INPP5F: variants seen among roughly 807,000 people sequenced by gnomAD.
The protein encoded by INPP5F is phosphatidylinositide 4-phosphatase SAC2.
INPP5F carries 97 observed loss-of-function variants against 137.2 expected under a neutral mutation model. The ratio of observed to expected loss-of-function variants is 0.71; its 90% CI spans 0.60 to 0.84. INPP5F has a LOEUF of 0.84. INPP5F is among the 40% of genes least tolerant of loss of function. INPP5F has a pLI of 0.00. For synonymous variants in INPP5F, 504 were observed against 476.9 expected, an observed-to-expected ratio of 1.06 and a Z score of -0.74; for missense variants, 1,271 against 1,371.9, an observed-to-expected ratio of 0.93 and a Z score of 1.16.
chr10:119,750,344 T>C (rs1229031413), intron 1 of INPP5F, among the ~76,000 whole-genome samples: 1 of 152,124 alleles, frequency 6.6e-6, no homozygotes, highest in Non-Finnish European at 1.5e-5. Context: ...ACCACGTATA[T>C]AACCTTTTGC....
intron 2 of INPP5F, among the ~76,000 whole-genome samples, chr10:119,767,107 G>GAAAAAAAAAAAAAAAAAAA (rs35875262): frequency 2.5e-5 from 1 of 40,540 alleles, no homozygotes; most frequent in Non-Finnish European, 4.0e-5. Flanking sequence ...TCTGTCTCCA[G>GAAAAAAAAAAAAAAAAAAA]AAAAAAAAAA....
chr10:119,779,158 G>A (rs1429799020), intron 2 of INPP5F, among the ~76,000 whole-genome samples: 1 of 152,002 alleles, frequency 6.6e-6, no homozygotes, highest in East Asian at 1.9e-4. Flanking sequence ...GCATTGTTGG[G>A]CAATTTCATC....
At chr10:119,795,214 C>T (rs1455697046) in intron 6 of INPP5F, among the ~76,000 whole-genome samples, 4 of 147,836 alleles carry the variant, frequency 2.7e-5, no homozygotes, top group Admixed American at 1.3e-4. Flanking sequence ...CGGGCAGAGG[C>T]GCCCCTCACC....
At chr10:119,778,625 T>A (rs1849602326) in intron 2 of INPP5F, among the ~76,000 whole-genome samples, 1 of 152,176 alleles carries the variant, frequency 6.6e-6, no homozygotes, top group Non-Finnish European at 1.5e-5. Context: ...CTCATTATAT[T>A]TAGTTCTCTG....
At chr10:119,731,610 G>A (rs1468073638) in intron 1 of INPP5F, among the ~76,000 whole-genome samples, 3 of 152,200 alleles carry the variant, frequency 2.0e-5, no homozygotes, top group Non-Finnish European at 2.9e-5. Flanking sequence ...GTTGCAGTGA[G>A]CTGAGATGGT....
intron 2 of INPP5F, among the ~76,000 whole-genome samples, chr10:119,755,242 T>G (rs945912114): frequency 2.0e-5 from 3 of 152,226 alleles, no homozygotes; most frequent in Non-Finnish European, 2.9e-5. Context: ...AATCATATTT[T>G]CTCACAATTC....
At chr10:119,731,741 A>G (rs1273586356) in intron 1 of INPP5F, among the ~76,000 whole-genome samples, 1 of 152,174 alleles carries the variant, frequency 6.6e-6, no homozygotes, top group African/African-American at 2.4e-5. Flanking sequence ...TACATATTAA[A>G]TGGCTTACAA....
chr10:119,798,392 T>G, intron 8 of INPP5F, 151 bp from the exon 9 acceptor site: 1 of 563,688 alleles, frequency 1.8e-6, no homozygotes, highest in Non-Finnish European at 3.1e-6. Context: ...GATCTTTGAC[T>G]TAGCATTTCA....
chr10:119,807,283 A>G (rs559440026), intron 12 of INPP5F, among the ~76,000 whole-genome samples: 2 of 152,320 alleles, frequency 1.3e-5, no homozygotes, highest in South Asian at 2.1e-4. Flanking sequence ...CAAAATAAAA[A>G]TAAAAATAAA....
chr10:119,763,828 G>C (rs1046183925), intron 2 of INPP5F, among the ~76,000 whole-genome samples: 1 of 152,136 alleles, frequency 6.6e-6, no homozygotes, highest in African/African-American at 2.4e-5. Flanking sequence ...CTTCATCTTT[G>C]ACATTTTGCT....
Position 119,826,624 on chromosome 10 carries a change from T to G in INPP5F, c.2250-7T>G. 6.4e-7 allele frequency: 1 copy of G among 1,557,844 alleles called. No individual in the cohort carries two copies. The highest frequency in any genetic ancestry group is 8.6e-7 in the Non-Finnish European group (1 of 1,157,088). ...GGAATTAACTTTTTTTCTCTTCTAA[T>G]TTGTAGGAAGAGCAGTAAACCTCAC... is the stretch of plus-strand genomic sequence containing the variant. On this transcript the variant is annotated splice_region_variant and splice_polypyrimidine_tract_variant and intron_variant, in intron 19 of 19. Transcript: ENST00000650623.
rs1849362271 is a variant in INPP5F, at chr10:119,771,872, ATATATATATATTTTTTTTTTTTTTTTT to A, written c.179-9761_179-9735del. ...TATATATATATATATATATATATAT[ATATATATATATTTTTTTTTTTTTTTTT>A]TTTTTTTTTTTTTTGAGATGGAGTC... On this transcript the variant is annotated intron_variant, in intron 2 of 19. Transcript: ENST00000650623. Among the ~76,000 whole-genome samples, 8 of 18,288 alleles carry A rather than the reference ATATATATATATTTTTTTTTTTTTTTTT, an allele frequency of 4.4e-4. No individual in the cohort carries two copies. The South Asian group carries it at 0.013, about 30-fold the overall frequency. 12.0% of individuals were successfully genotyped at this position (18,288 alleles called of 152,430 possible). A position where few individuals can be genotyped will look rare whatever the true frequency, so the allele number is the denominator to read the frequency against.
At chr10:119,771,214 G>T (rs549260731) in intron 2 of INPP5F, among the ~76,000 whole-genome samples, 9 of 152,072 alleles carry the variant, frequency 5.9e-5, no homozygotes, top group Non-Finnish European at 7.4e-5. Context: ...TACAATATGT[G>T]CACCTTTGTG....
chr10:119,795,543 C>T (rs1254393085), intron 6 of INPP5F, among the ~76,000 whole-genome samples: 1 of 151,764 alleles, frequency 6.6e-6, no homozygotes, highest in Non-Finnish European at 1.5e-5. Flanking sequence ...AGGCGCTCCT[C>T]ACTTCCTAGA....
At chr10:119,814,000 C>T (rs1449005427) in intron 15 of INPP5F, among the ~76,000 whole-genome samples, 1 of 152,058 alleles carries the variant, frequency 6.6e-6, no homozygotes, top group Non-Finnish European at 1.5e-5. Flanking sequence ...TGTCCAGTGC[C>T]CAGTAAATGC....
rs144822204 is a variant in INPP5F at position 119,827,738 on chromosome 10, A to T, written c.3357A>T (p.Lys1119Asn). The change falls in exon 20 of 20, where the codon AAA (lysine) becomes AAT (asparagine). Residue 1119 changes from lysine (K) to asparagine (N), a missense_variant. This residue lies in a region of INPP5F where 490 missense variants were observed against 443.7 expected (regional missense o/e 1.10). Transcript: ENST00000650623. ...ATCAAGTCCAGCAAAATGAACTTAA[A>T]AAGATGTTTATACAATGCCAGACAC... Reference protein sequence around the residue: ...IINQVQQNELKKMFIQCQTRI... With the variant: ...IINQVQQNELNKMFIQCQTRI... The T allele has an allele frequency of 1.2e-6, 2 of 1,613,498 alleles. No homozygotes were observed. Among genetic ancestry groups the T allele is most frequent in the East Asian group, 4.5e-5 (2 of 44,898 alleles).
In INPP5F at chr10:119,770,839, G is replaced by A. The variant is rs1849312016; in HGVS notation, c.179-10796G>A. Among the ~76,000 whole-genome samples, 5 of 152,186 alleles carry A rather than the reference G, an allele frequency of 3.3e-5. No individual in the cohort carries two copies. In the South Asian group the frequency reaches 1.0e-3, roughly 32 times the overall value. On this transcript the variant is annotated intron_variant, in intron 2 of 19. Transcript: ENST00000650623. Reference sequence around the variant, plus strand: ...CCTATCCTAACCTCCATTTTTGGCAGAAAGTATACTTTTAGTTTTTTATCC... The same window carrying A: ...CCTATCCTAACCTCCATTTTTGGCAAAAAGTATACTTTTAGTTTTTTATCC...
At chr10:119,766,089 C>G (rs931750521) in intron 2 of INPP5F, among the ~76,000 whole-genome samples, 6 of 152,074 alleles carry the variant, frequency 3.9e-5, no homozygotes, top group Non-Finnish European at 7.4e-5. Flanking sequence ...ATGTAAGTCT[C>G]AGTTGGAATC....
chr10:119,797,425 A>T, intron 7 of INPP5F, 36 bp from the exon 8 acceptor site: 1 of 1,506,986 alleles, frequency 6.6e-7, no homozygotes, highest in Non-Finnish European at 9.0e-7. Flanking sequence ...TAAATTTTTT[A>T]AAATGTTGCT....
Sources: allele counts gnomAD v4.1 joint callset (sites outside exome capture counted in the v4.1 genomes callset), GRCh38; gene constraint gnomAD v4.1.1; regional missense constraint gnomAD v4.1.1; transcripts MANE v1.5; gene names NCBI Gene and HGNC (gene_info 2026-07-23, HGNC 2026-07-21).